Variants in AGBL4 observed in about 807,000 individuals in gnomAD.
The protein encoded by AGBL4 is cytosolic carboxypeptidase 6.
In AGBL4, 58 loss-of-function variants were observed where a neutral mutation model predicts 66.4. The observed-to-expected ratio is 0.87, with a 90% CI of 0.71 to 1.09. AGBL4 has a LOEUF of 1.09. Among genes scored for constraint, AGBL4 ranks in the 50% least tolerant of loss-of-function variants. The probability of loss-of-function intolerance (pLI) is 0.00; values close to 1 mark genes in which losing one functional copy is unlikely to be tolerated. For synonymous variants in AGBL4, 234 were observed against 222.9 expected (o/e 1.05, Z -0.44); for missense variants, 579 against 631.0 (o/e 0.92, Z 0.88).
chr1:49,832,050 G>C (rs1309342863), intron 2 of AGBL4, among the ~76,000 whole-genome samples: 2 of 151,462 alleles, frequency 1.3e-5, no homozygotes, highest in African/African-American at 4.9e-5. Flanking sequence ...CAATGTGCAG[G>C]TTAGTTACAT....
At chr1:49,717,852 T>G (rs371140462) in intron 2 of AGBL4, among the ~76,000 whole-genome samples, 30 of 152,094 alleles carry the variant, frequency 2.0e-4, no homozygotes, top group African/African-American at 7.2e-4. Flanking sequence ...ACAGAGTCAT[T>G]GAGGTAATAT....
intron 3 of AGBL4, among the ~76,000 whole-genome samples, chr1:49,443,358 A>C (rs1387348678): frequency 6.6e-6 from 1 of 152,058 alleles, no homozygotes. Context: ...AATGTCCAGG[A>C]AAGTTTTCTC....
intron 1 of AGBL4, among the ~76,000 whole-genome samples, chr1:50,002,255 T>C (rs979594565): frequency 7.9e-5 from 12 of 152,038 alleles, no homozygotes; most frequent in Non-Finnish European, 1.6e-4. Context: ...GCTTTATCTT[T>C]AACTTATATA....
intron 5 of AGBL4, among the ~76,000 whole-genome samples, chr1:48,980,718 AATATATATATATATATATATATATATAT>A (rs544711494): frequency 0.011 from 984 of 92,298 alleles, 41 homozygotes; most frequent in African/African-American, 0.026. Flanking sequence ...GTAAAGAAGA[AATATATATATATATATATATATATATAT>A]ATATATATAT....
intron 3 of AGBL4, among the ~76,000 whole-genome samples, chr1:49,442,502 T>C (rs980972294): frequency 3.9e-5 from 6 of 152,230 alleles, no homozygotes; most frequent in Non-Finnish European, 7.3e-5. Context: ...AAGTGATAAC[T>C]AGCAATATCT....
intron 11 of AGBL4, among the ~76,000 whole-genome samples, chr1:48,579,867 G>A (rs1414362115): frequency 1.0e-4 from 15 of 142,992 alleles, no homozygotes; most frequent in African/African-American, 3.7e-4. Flanking sequence ...GCAGTGAGCC[G>A]AGATCGTGCC....
chr1:48,655,404 G>A (rs998826457), intron 7 of AGBL4, among the ~76,000 whole-genome samples: 4 of 152,110 alleles, frequency 2.6e-5, no homozygotes, highest in Non-Finnish European at 5.9e-5. Context: ...ATGCCATCCT[G>A]GCCAAAGACC....
intron 3 of AGBL4, among the ~76,000 whole-genome samples, chr1:49,395,829 G>GTGTA (rs1412955116): frequency 1.4e-5 from 1 of 71,222 alleles, no homozygotes; most frequent in African/African-American, 6.2e-5. Context: ...ATATATATAT[G>GTGTA]TGTATATATA....
intron 5 of AGBL4, among the ~76,000 whole-genome samples, chr1:48,897,137 A>G (rs1570948391): frequency 6.7e-6 from 1 of 150,368 alleles, no homozygotes; most frequent in Non-Finnish European, 1.5e-5. Flanking sequence ...TTCATCCCCT[A>G]CTCCATCCCC....
chr1:49,483,583 C>T (rs1647001216), intron 3 of AGBL4, among the ~76,000 whole-genome samples: 1 of 151,778 alleles, frequency 6.6e-6, no homozygotes, highest in South Asian at 2.1e-4. Flanking sequence ...TATCTCTCAC[C>T]ACATACAAAA....
intron 3 of AGBL4, among the ~76,000 whole-genome samples, chr1:49,648,640 G>A (rs1036926473): frequency 6.6e-6 from 1 of 151,568 alleles, no homozygotes. Flanking sequence ...CTTATCTAGG[G>A]GTAAGTAAAA....
At chr1:48,587,669 G>T (rs75653960) in intron 10 of AGBL4, among the ~76,000 whole-genome samples, 2,653 of 150,448 alleles carry the variant, frequency 0.018, 21 homozygotes, top group Middle Eastern at 0.041. Flanking sequence ...TTGAGATGAA[G>T]TCTCGCTCTG....
chr1:49,877,569 T>G (rs1297897482), intron 1 of AGBL4, among the ~76,000 whole-genome samples: 1 of 152,056 alleles, frequency 6.6e-6, no homozygotes, highest in Non-Finnish European at 1.5e-5. Context: ...GCCAGTATTT[T>G]ATTGAGGATT....
chr1:49,743,311 A>G (rs968812072), intron 2 of AGBL4, among the ~76,000 whole-genome samples: 1 of 152,228 alleles, frequency 6.6e-6, no homozygotes, highest in Non-Finnish European at 1.5e-5. Flanking sequence ...AATGCTCATC[A>G]TCACTAGCCA....
At chr1:49,511,226 C>T (rs1649213251) in intron 3 of AGBL4, among the ~76,000 whole-genome samples, 1 of 151,502 alleles carries the variant, frequency 6.6e-6, no homozygotes, top group African/African-American at 2.4e-5. Context: ...CAATGATAGA[C>T]TGGATTAAGA....
At chr1:49,604,449 T>C (rs1439770383) in intron 3 of AGBL4, among the ~76,000 whole-genome samples, 6 of 152,190 alleles carry the variant, frequency 3.9e-5, no homozygotes, top group Non-Finnish European at 8.8e-5. Context: ...TTTGTTTGAG[T>C]TCCTCATAGA....
At chr1:49,569,311 G>C (rs1644279437) in intron 3 of AGBL4, among the ~76,000 whole-genome samples, 1 of 152,022 alleles carries the variant, frequency 6.6e-6, no homozygotes, top group Non-Finnish European at 1.5e-5. Context: ...CCTACAATTT[G>C]ATAGCTCAAC....
At chr1:49,034,719 T>C (rs886255003) in intron 5 of AGBL4, among the ~76,000 whole-genome samples, 4 of 152,078 alleles carry the variant, frequency 2.6e-5, no homozygotes, top group African/African-American at 9.7e-5. Context: ...CTCCTTTTGC[T>C]GAGCACTTCT....
intron 5 of AGBL4, among the ~76,000 whole-genome samples, chr1:48,935,353 G>A (rs1022128468): frequency 6.6e-6 from 1 of 152,128 alleles, no homozygotes. Flanking sequence ...AATGGTGACA[G>A]TGGGAAAATA....
Sources: allele counts gnomAD v4.1 joint callset (sites outside exome capture counted in the v4.1 genomes callset), GRCh38; gene constraint gnomAD v4.1.1; transcripts MANE v1.5; gene names NCBI Gene and HGNC (gene_info 2026-07-23, HGNC 2026-07-21).